The following RFTN1 variants were observed in gnomAD, a reference collection of about 807,000 sequenced individuals.
The protein encoded by RFTN1 is raftlin, lipid raft linker 1.
Under a neutral mutation model 46.5 loss-of-function variants are expected in RFTN1, and 26 were observed. That is an observed-to-expected ratio of 0.56 (90% CI 0.41 to 0.78). The LOEUF is 0.78. Ranked by LOEUF, RFTN1 falls within the 30% of genes least tolerant of loss-of-function variation. The pLI is 0.00. For missense variants in RFTN1, 693 were observed against 718.7 expected (o/e 0.96, Z 0.41); for synonymous variants, 261 against 284.2 (o/e 0.92, Z 0.82).
intron 4 of RFTN1, among the ~76,000 whole-genome samples, chr3:16,408,528 C>T (rs895881800): frequency 2.0e-5 from 3 of 150,412 alleles, no homozygotes; most frequent in African/African-American, 7.4e-5. Flanking sequence ...GAACTCAGCC[C>T]CAGTTTGGGG....
In RFTN1 at chr3:16,338,865, AGTCT is replaced by A. The variant is rs944722281; in HGVS notation, c.1147-11993_1147-11990del. ...GAGTTGGGGACCTGGGGAGAGAGCCAGTCTGTCTGCAGGAATTCTAGAACCCAAA... is the reference window on the plus strand; with the variant it reads ...GAGTTGGGGACCTGGGGAGAGAGCCAGTCTGCAGGAATTCTAGAACCCAAA... On this transcript the variant is annotated intron_variant, in intron 7 of 9. Coordinates refer to ENST00000334133, the MANE Select transcript of RFTN1 (RefSeq NM_015150.2). This position sits in a 1 kb window ranked among gnomAD's most constrained non-coding sequence, Gnocchi z 5.3. Among the ~76,000 whole-genome samples the A allele has an allele frequency of 4.6e-5, 7 of 152,380 alleles. No individual in the cohort carries two copies. The highest frequency in any genetic ancestry group is 1.7e-4 in the African/African-American group (7 of 41,584).
At position 16,400,836 on chromosome 3, in the gene RFTN1, CAGT is replaced by C. The variant is rs1314225697; in HGVS notation, c.441+8536_441+8538del. ...TCATAAGAAAACAGCGGCCTCCAGGCAGTAGCTCCTGCATTTTTTCCTCCATTA... is the reference window on the plus strand; with the variant it reads ...TCATAAGAAAACAGCGGCCTCCAGGCAGCTCCTGCATTTTTTCCTCCATTA... On this transcript the variant is annotated intron_variant, in intron 4 of 9. Coordinates refer to ENST00000334133, the MANE Select transcript of RFTN1 (RefSeq NM_015150.2). This position sits in a 1 kb window ranked among gnomAD's most constrained non-coding sequence, Gnocchi z 4.5. 6.6e-6 allele frequency among the ~76,000 whole-genome samples: 1 copy of C among 152,106 alleles called. No homozygotes were observed. The highest frequency in any genetic ancestry group is 1.9e-4 in the East Asian group (1 of 5,178).
chr3:16,449,108 G>C lies in RFTN1; in HGVS notation c.146-15071C>G, dbSNP rs1176211626. On this transcript the variant is annotated intron_variant, in intron 2 of 9. Transcript: ENST00000334133. The surrounding 1 kb of genome is among the most constrained non-coding windows in gnomAD (Gnocchi z 5.1). Reference sequence around the variant, plus strand: ...GTCTGGTTCCTTGGGGAGTGGAGTGGGAAGGCTTCATGATATCTGAAATCC... The same window carrying C: ...GTCTGGTTCCTTGGGGAGTGGAGTGCGAAGGCTTCATGATATCTGAAATCC... 6.6e-6 allele frequency among the ~76,000 whole-genome samples: 1 copy of C among 152,158 alleles called. No homozygotes were observed. The highest frequency in any genetic ancestry group is 1.5e-5 in the Non-Finnish European group (1 of 68,038).
rs554370250 is a variant in RFTN1 at position 16,513,453 on chromosome 3, G to C, written c.-20C>G. 6 of 152,486 alleles carry C rather than the reference G, an allele frequency of 3.9e-5. No individual in the cohort carries two copies. In the South Asian group the frequency reaches 1.0e-3, roughly 26 times the overall value. The allele number at this position is 152,486 out of a possible 1,614,324, so 9.4% of individuals were successfully genotyped here. On this transcript the variant is annotated 5_prime_UTR_variant, in exon 1 of 10. Transcript: ENST00000334133. This position sits in a 1 kb window ranked among gnomAD's most constrained non-coding sequence, Gnocchi z 5.4. ...CCCCCGCCGCCTACCGTATGGGACCGGCGGAGGAGAAGGCGCGGTCGCGGG... is the reference window on the plus strand; with the variant it reads ...CCCCCGCCGCCTACCGTATGGGACCCGCGGAGGAGAAGGCGCGGTCGCGGG...
intron 5 of RFTN1, among the ~76,000 whole-genome samples, chr3:16,375,701 G>C (rs1299909463): frequency 2.6e-5 from 4 of 152,150 alleles, no homozygotes; most frequent in Non-Finnish European, 5.9e-5. Context: ...CCTGCCTAGG[G>C]AGACTGGGCT....
chr3:16,323,736 C>T (rs994590700), intron 8 of RFTN1, among the ~76,000 whole-genome samples: 34 of 152,332 alleles, frequency 2.2e-4, no homozygotes, highest in African/African-American at 7.5e-4. Context: ...AGCATCTTGG[C>T]CAAATGTGGA....
chr3:16,370,103 C>T lies in RFTN1; in HGVS notation c.1003G>A (p.Ala335Thr), dbSNP rs138057177. ...TTCACTATTCCAAGGTAGAAGACTG[C>T]GTTCACCAGCATGCCTCCTTTCCGG... ...HFRKGGMLVN[A>T]VFYLGIVNDS... The change falls in exon 6 of 10, where the codon GCA (alanine) becomes ACA (threonine). Residue 335 changes from alanine to threonine, a missense_variant. Physicochemically the swap from Ala to Thr is moderately conservative, Grantham distance 58. Coordinates refer to ENST00000334133, the MANE Select transcript of RFTN1 (RefSeq NM_015150.2). The surrounding 1 kb of genome is among the most constrained non-coding windows in gnomAD (Gnocchi z 5.5). The T allele has an allele frequency of 1.0e-4, 164 of 1,614,204 alleles. 2 individuals are homozygous for T. In the South Asian group the frequency reaches 1.3e-3, roughly 13 times the overall value.
chr3:16,434,721 A>G (rs1374969682), intron 2 of RFTN1: 1 of 152,238 alleles, frequency 6.6e-6, no homozygotes, highest in Non-Finnish European at 1.5e-5. Context: ...GAGCAAATAT[A>G]AAAATACTAG....
At position 16,370,409 on chromosome 3, in the gene RFTN1, G is replaced by A. The variant is rs1243190928; in HGVS notation, c.827-130C>T. On this transcript the variant is annotated intron_variant, in intron 5 of 9. Transcript: ENST00000334133. The surrounding 1 kb of genome is among the most constrained non-coding windows in gnomAD (Gnocchi z 5.5). ...TGATGAATGCTGAAATCTCTGTGAG[G>A]CTGTATTGTTGCCAGATAATAAAGC... 12 of 872,748 alleles carry A rather than the reference G, an allele frequency of 1.4e-5. No homozygotes were observed. Among genetic ancestry groups the A allele is most frequent in the Middle Eastern group, 6.6e-4 (2 of 3,022 alleles). 54.1% of individuals were successfully genotyped at this position (872,748 alleles called of 1,614,324 possible).
chr3:16,445,931 T>C (rs1283055461), intron 2 of RFTN1, among the ~76,000 whole-genome samples: 1 of 152,158 alleles, frequency 6.6e-6, no homozygotes, highest in Non-Finnish European at 1.5e-5. Context: ...GTTTTTTTTT[T>C]TTTCCCTGTC....
rs576612248 is a variant in RFTN1, at chr3:16,468,555, T to C, written c.145+25170A>G. Reference sequence around the variant, plus strand: ...ATCTTTAGATTAGATGCTTAATGCATAAATCAGCCCAAATAGAGTGATGGA... The same window carrying C: ...ATCTTTAGATTAGATGCTTAATGCACAAATCAGCCCAAATAGAGTGATGGA... On this transcript the variant is annotated intron_variant, in intron 2 of 9. Coordinates refer to ENST00000334133, the MANE Select transcript of RFTN1 (RefSeq NM_015150.2). This position sits in a 1 kb window ranked among gnomAD's most constrained non-coding sequence, Gnocchi z 4.4. Among the ~76,000 whole-genome samples, 172 of 147,222 alleles carry C rather than the reference T, an allele frequency of 1.2e-3. 1 individual carries two copies. Among genetic ancestry groups the C allele is most frequent in the Admixed American group, 1.9e-3 (28 of 14,446 alleles).
intron 4 of RFTN1, among the ~76,000 whole-genome samples, chr3:16,395,237 C>T (rs2074439497): frequency 6.6e-6 from 1 of 152,214 alleles, no homozygotes; most frequent in Non-Finnish European, 1.5e-5. Flanking sequence ...TAGATCTTGG[C>T]ATATATGCCT....
chr3:16,350,968 C>T (rs1052226106), intron 7 of RFTN1, among the ~76,000 whole-genome samples: 1 of 152,158 alleles, frequency 6.6e-6, no homozygotes, highest in Non-Finnish European at 1.5e-5. Flanking sequence ...AGAGTGGATT[C>T]TTAAAGAGAT....
chr3:16,493,671 G>A, intron 2 of RFTN1, 54 bp downstream of exon 2: 3 of 1,239,224 alleles, frequency 2.4e-6, no homozygotes, highest in South Asian at 3.2e-5. Flanking sequence ...ATCCCCTGCA[G>A]GCCCCTGCTG....
Position 16,413,430 on chromosome 3 carries a change from G to A in RFTN1, c.333-3947C>T, listed in dbSNP as rs921317698. Among the ~76,000 whole-genome samples, 1 of 152,214 alleles carries A rather than the reference G, an allele frequency of 6.6e-6. No homozygotes were observed. The highest frequency in any genetic ancestry group is 2.4e-5 in the African/African-American group (1 of 41,442). On this transcript the variant is annotated intron_variant, in intron 3 of 9. Coordinates refer to ENST00000334133, the MANE Select transcript of RFTN1 (RefSeq NM_015150.2). This position sits in a 1 kb window ranked among gnomAD's most constrained non-coding sequence, Gnocchi z 4.7. The stretch of plus-strand genomic sequence containing the variant: ...AAGCATTAACCTGAAACTCCCAGCT[G>A]AGCAGGCATTGCCACCTTCCTATGG...
At position 16,451,028 on chromosome 3, in the gene RFTN1, C is replaced by T. The variant is rs938268102; in HGVS notation, c.146-16991G>A. Among the ~76,000 whole-genome samples the T allele has an allele frequency of 1.3e-5, 2 of 152,132 alleles. No individual in the cohort carries two copies. Among genetic ancestry groups the T allele is most frequent in the Non-Finnish European group, 2.9e-5 (2 of 68,032 alleles). ...AGAACTCTGGACTGGGGATAGAAAA[C>T]GGAGGCTCACGTACCTGTGCATAAA... On this transcript the variant is annotated intron_variant, in intron 2 of 9. Coordinates refer to ENST00000334133, the MANE Select transcript of RFTN1 (RefSeq NM_015150.2). The surrounding 1 kb of genome is among the most constrained non-coding windows in gnomAD (Gnocchi z 4.2).
At chr3:16,492,841 TC>T (rs1233468594) in intron 2 of RFTN1, among the ~76,000 whole-genome samples, 2 of 152,086 alleles carry the variant, frequency 1.3e-5, no homozygotes, top group Admixed American at 6.6e-5. Context: ...GCTCACGACT[TC>T]CCCCCCAACA....
chr3:16,490,905 T>C (rs1397522006), intron 2 of RFTN1, among the ~76,000 whole-genome samples: 2 of 152,178 alleles, frequency 1.3e-5, no homozygotes, highest in African/African-American at 2.4e-5. Context: ...AAATACATGG[T>C]GAGTATTCAC....
intron 8 of RFTN1, among the ~76,000 whole-genome samples, chr3:16,324,652 G>GTA (rs2069507044): frequency 9.9e-6 from 1 of 100,704 alleles, no homozygotes; most frequent in Admixed American, 1.0e-4. Flanking sequence ...TCCATTGTGT[G>GTA]TGTGTGTGTG....
Sources: gnomAD v4.1 joint callset for allele counts (sites outside exome capture counted in the v4.1 genomes callset) on GRCh38, gnomAD v4.1.1 for gene constraint, Gnocchi (gnomAD v3.1) non-coding constraint, MANE v1.5 for transcripts, NCBI Gene and HGNC (gene_info 2026-07-23, HGNC 2026-07-21) for gene names.